PRKCQ: variants seen among roughly 807,000 people sequenced by gnomAD.
PRKCQ encodes protein kinase C theta type.
A neutral mutation model predicts 91.2 loss-of-function variants in PRKCQ; 41 were observed. That is an observed-to-expected ratio of 0.45 (90% CI 0.35 to 0.58). The LOEUF (loss-of-function observed/expected upper bound fraction) is 0.58, where lower values mean the gene tolerates loss of function less well. Ranked by LOEUF, PRKCQ falls within the 20% of genes least tolerant of loss-of-function variation. The pLI is 0.00. For synonymous variants in PRKCQ, 307 were observed against 316.9 expected (o/e 0.97, Z 0.33); for missense variants, 673 against 896.5 (o/e 0.75, Z 3.18).
chr10:6,458,968 G>A (rs948559203), intron 14 of PRKCQ, among the ~76,000 whole-genome samples: 3 of 152,090 alleles, frequency 2.0e-5, no homozygotes, highest in Non-Finnish European at 4.4e-5. Context: ...CGATTTTGTG[G>A]TTCCTCTGGC....
At chr10:6,464,475 G>A (rs1835529014) in intron 12 of PRKCQ, 71 bp from the exon 13 acceptor site, 22 of 1,309,838 alleles carry the variant, frequency 1.7e-5, no homozygotes, top group South Asian at 2.4e-5. Flanking sequence ...TCCAAGACAG[G>A]GTCTCACTCT....
chr10:6,399,641 C>T, the PRKCQ span, among the ~76,000 whole-genome samples: 1 of 152,122 alleles, frequency 6.6e-6, no homozygotes, highest in Non-Finnish European at 1.5e-5. Flanking sequence ...AGTTTGACAT[C>T]ATGTGGCTTG....
chr10:6,439,401 G>A (rs1432693804), intron 16 of PRKCQ, among the ~76,000 whole-genome samples: 1 of 152,206 alleles, frequency 6.6e-6, no homozygotes, highest in Non-Finnish European at 1.5e-5. Context: ...GGGAGAGCTG[G>A]TCTGTAGGTA....
the PRKCQ span, among the ~76,000 whole-genome samples, chr10:6,416,833 A>G: frequency 6.6e-6 from 1 of 152,254 alleles, no homozygotes; most frequent in Non-Finnish European, 1.5e-5. Context: ...TCCCACCAGC[A>G]GCGTAAAAGT....
downstream of PRKCQ, among the ~76,000 whole-genome samples, chr10:6,422,213 C>G (rs1050644231): frequency 6.6e-6 from 1 of 152,152 alleles, no homozygotes; most frequent in African/African-American, 2.4e-5. Context: ...ACATTAGGTA[C>G]TCTTCCAAGT....
intron 4 of PRKCQ, among the ~76,000 whole-genome samples, chr10:6,504,898 C>CTT (rs144026385): frequency 7.4e-4 from 107 of 144,264 alleles, no homozygotes; most frequent in South Asian, 2.6e-3. Flanking sequence ...AAGATTTATT[C>CTT]TTTTTTTTTT....
chr10:6,514,991 C>T lies in PRKCQ; in HGVS notation c.118+27G>A. The stretch of plus-strand genomic sequence containing the variant: ...ATAGCAGGATTCTCCTCCTCCTCCC[C>T]CGCTTTGAAAATCCCCTCAAGCTTA... On this transcript the variant is annotated intron_variant, in intron 2 of 17. Coordinates refer to ENST00000263125, the MANE Select transcript of PRKCQ (RefSeq NM_006257.5). 1.9e-6 allele frequency: 3 copies of T among 1,612,208 alleles called. No homozygotes were observed. In the South Asian group the frequency reaches 3.3e-5, roughly 18 times the overall value.
chr10:6,395,156 C>T, the PRKCQ span, among the ~76,000 whole-genome samples: 21 of 151,036 alleles, frequency 1.4e-4, 1 homozygote, highest in Admixed American at 1.1e-3. Flanking sequence ...CTCCGCCTCC[C>T]GGGTTCACGC....
In PRKCQ at chr10:6,430,755, G is replaced by A; in HGVS notation, c.1965+55C>T. ...CTGCGGTGACTTGGACAGGCAGACG[G>A]CCCTGAGCGGAGGGAGAGTGGCTGA... On this transcript the variant is annotated intron_variant, in intron 17 of 17. Coordinates refer to ENST00000263125, the MANE Select transcript of PRKCQ (RefSeq NM_006257.5). This position sits in a 1 kb window ranked among gnomAD's most constrained non-coding sequence, Gnocchi z 4.7. 6.3e-7 allele frequency: 1 copy of A among 1,591,136 alleles called. No individual in the cohort carries two copies. The highest frequency in any genetic ancestry group is 1.2e-5 in the South Asian group (1 of 86,414).
intron 1 of PRKCQ, among the ~76,000 whole-genome samples, chr10:6,566,355 A>C (rs1292142750): frequency 1.3e-5 from 2 of 152,168 alleles, no homozygotes; most frequent in African/African-American, 2.4e-5. Context: ...TAGGAGCTTG[A>C]AATGTATCCA....
Position 6,497,030 on chromosome 10 carries a change from C to T in PRKCQ, c.660+5G>A. On this transcript the variant is annotated splice_donor_5th_base_variant and intron_variant, in intron 7 of 17. Coordinates refer to ENST00000263125, the MANE Select transcript of PRKCQ (RefSeq NM_006257.5). This position sits in a 1 kb window ranked among gnomAD's most constrained non-coding sequence, Gnocchi z 4.5. ...TGCACGTCAAAGAGGAGTGTAAATA[C>T]TCACCATGGTTTCTCGGCTATTGAT... 6.2e-7 allele frequency: 1 copy of T among 1,610,492 alleles called. No individual in the cohort carries two copies. Among genetic ancestry groups the T allele is most frequent in the Non-Finnish European group, 8.5e-7 (1 of 1,178,168 alleles).
the PRKCQ span, among the ~76,000 whole-genome samples, chr10:6,414,980 T>G: frequency 6.6e-6 from 1 of 152,102 alleles, no homozygotes; most frequent in East Asian, 1.9e-4. Context: ...AATTTTTTTT[T>G]GAGACAGAAT....
At chr10:6,416,334 A>G in the PRKCQ span, among the ~76,000 whole-genome samples, 2,057 of 145,620 alleles carry the variant, frequency 0.014, 36 homozygotes, top group African/African-American at 0.048. Context: ...TGTGCACTGT[A>G]CCTACTGTGC....
intron 8 of PRKCQ, 111 bp downstream of exon 8, chr10:6,491,572 G>T (rs1837301227): frequency 7.1e-7 from 1 of 1,412,134 alleles, no homozygotes; most frequent in South Asian, 1.4e-5. Flanking sequence ...ACTTGTCTGG[G>T]CTGGGTGTGG....
chr10:6,564,393 C>A (rs1840758170), intron 1 of PRKCQ, among the ~76,000 whole-genome samples: 1 of 152,154 alleles, frequency 6.6e-6, no homozygotes, highest in South Asian at 2.1e-4. Context: ...CCCTTTCCCT[C>A]CCACCTGTCC....
chr10:6,523,226 GA>G (rs1161782757), intron 1 of PRKCQ, among the ~76,000 whole-genome samples: 1 of 152,104 alleles, frequency 6.6e-6, no homozygotes, highest in African/African-American at 2.4e-5. Flanking sequence ...GAGGTGGGAG[GA>G]TCACTTGAGC....
At chr10:6,517,958 A>G (rs535534977) in intron 1 of PRKCQ, among the ~76,000 whole-genome samples, 1 of 152,356 alleles carries the variant, frequency 6.6e-6, no homozygotes, top group African/African-American at 2.4e-5. Flanking sequence ...AATTTAAGAC[A>G]TGCAGAATAA....
At chr10:6,408,986 T>C in the PRKCQ span, among the ~76,000 whole-genome samples, 5 of 152,382 alleles carry the variant, frequency 3.3e-5, no homozygotes, top group African/African-American at 1.2e-4. Context: ...GTTTACACTT[T>C]GATCAGCAGG....
intron 16 of PRKCQ, among the ~76,000 whole-genome samples, chr10:6,435,746 A>G (rs1833669468): frequency 6.6e-6 from 1 of 152,202 alleles, no homozygotes; most frequent in Admixed American, 6.5e-5. Context: ...CATAAAGTTT[A>G]GGAATTTGTG....
Sources: allele counts gnomAD v4.1 joint callset (sites outside exome capture counted in the v4.1 genomes callset), GRCh38; gene constraint gnomAD v4.1.1; non-coding constraint Gnocchi (gnomAD v3.1); transcripts MANE v1.5; gene names NCBI Gene and HGNC (gene_info 2026-07-23, HGNC 2026-07-21).